Variants in GIGYF2 observed in about 807,000 individuals in gnomAD.
GIGYF2 encodes GRB10-interacting GYF protein 2.
GIGYF2 carries 25 observed loss-of-function variants against 208.1 expected under a neutral mutation model. The observed-to-expected ratio is 0.12, with a 90% CI of 0.09 to 0.17. GIGYF2 has a LOEUF of 0.17. Among genes scored for constraint, GIGYF2 ranks in the 10% least tolerant of loss-of-function variants. The pLI is 1.00. For synonymous variants in GIGYF2, 534 were observed against 543.8 expected, an observed-to-expected ratio of 0.98 and a Z score of 0.25; for missense variants, 1,302 against 1,579.4, an observed-to-expected ratio of 0.82 and a Z score of 2.98.
In GIGYF2 at chr2:232,782,832, C is replaced by T. The variant is rs534907090; in HGVS notation, c.533-4318C>T. ...AAGCAGGCAAAGCTAATATTTGGGGCTAGAAATTAGGATAGTGTTTATCTT... is the reference window on the plus strand; with the variant it reads ...AAGCAGGCAAAGCTAATATTTGGGGTTAGAAATTAGGATAGTGTTTATCTT... On this transcript the variant is annotated intron_variant, in intron 8 of 28. Transcript: ENST00000373563. 25 of 152,152 alleles carry T rather than the reference C, an allele frequency of 1.6e-4. No homozygotes were observed. The East Asian group carries it at 4.8e-3, about 29-fold the overall frequency. The allele number at this position is 152,152 out of a possible 1,614,324, so 9.4% of individuals were successfully genotyped here. A position where few individuals can be genotyped will look rare whatever the true frequency, so the allele number is the denominator to read the frequency against.
intron 21 of GIGYF2, 21 bp from the exon 22 acceptor site, chr2:232,832,834 CTT>C (rs1452443330): frequency 8.6e-6 from 13 of 1,511,788 alleles, no homozygotes; most frequent in Non-Finnish European, 1.1e-5. Flanking sequence ...ATTTTTATAT[CTT>C]TAATTTTTCC....
At chr2:232,757,898 T>C (rs1435398062) in intron 6 of GIGYF2, among the ~76,000 whole-genome samples, 1 of 152,048 alleles carries the variant, frequency 6.6e-6, no homozygotes. Flanking sequence ...TCACATATGA[T>C]AGAAAGCTTA....
At chr2:232,721,048 A>G (rs974847622) in intron 2 of GIGYF2, among the ~76,000 whole-genome samples, 7 of 152,242 alleles carry the variant, frequency 4.6e-5, no homozygotes, top group African/African-American at 1.7e-4. Flanking sequence ...TGCTTTCAGC[A>G]TGAGAAAGAT....
At chr2:232,833,747 A>T (rs62193335) in intron 22 of GIGYF2, among the ~76,000 whole-genome samples, 10 of 152,186 alleles carry the variant, frequency 6.6e-5, no homozygotes. Context: ...TTAAAAATAT[A>T]GGCATGTAAA....
At chr2:232,697,504 C>T (rs1013519938) in intron 1 of GIGYF2, 112 bp downstream of exon 1, 1 of 153,206 alleles carries the variant, frequency 6.5e-6, no homozygotes, top group African/African-American at 2.4e-5. Flanking sequence ...CCCTGCTCCT[C>T]CTGCCCGAGC....
intron 13 of GIGYF2, 60 bp from the exon 14 acceptor site, chr2:232,796,002 T>C (rs1199148384): frequency 3.3e-6 from 4 of 1,210,186 alleles, no homozygotes; most frequent in Non-Finnish European, 4.9e-6. Flanking sequence ...ACTGTTATTA[T>C]GTGTACAAGT....
At chr2:232,787,108 G>C (rs369479189) in intron 8 of GIGYF2, 42 bp from the exon 9 acceptor site, 65 of 1,441,344 alleles carry the variant, frequency 4.5e-5, no homozygotes, top group Non-Finnish European at 6.0e-5. Context: ...AGCCTATACT[G>C]GCAGAGGCTC....
chr2:232,797,493 G>GTGTC (rs1700259962), intron 14 of GIGYF2, among the ~76,000 whole-genome samples: 2 of 126,346 alleles, frequency 1.6e-5, no homozygotes, highest in South Asian at 5.0e-4. Context: ...CAGGGCTTGT[G>GTGTC]TGTGTGTGTG....
chr2:232,760,348 G>A (rs1698700939), intron 6 of GIGYF2, 132 bp from the exon 7 acceptor site: 1 of 691,396 alleles, frequency 1.4e-6, no homozygotes, highest in African/African-American at 1.8e-5. Context: ...AGATCATCAG[G>A]CCTCGTTCAG....
chr2:232,844,121 TG>T lies in GIGYF2; in HGVS notation c.2970del (p.Asn991MetfsTer59). On this transcript the variant is annotated frameshift_variant, in exon 24 of 29. Coordinates refer to ENST00000373563, the MANE Select transcript of GIGYF2 (RefSeq NM_001103146.3). LOFTEE classifies it high-confidence loss of function. ...ACAGCAACAGCAGAAACTCTCAGGT[TG>T]GGGGAATGTCAGCAAACCTTCAGGT... ...QQQQQQKLSG[W>X]GNVSKPSGTT... The T allele has an allele frequency of 6.3e-7, 1 of 1,596,386 alleles. No individual in the cohort carries two copies.
At chr2:232,798,727 G>A (rs980379631) in intron 14 of GIGYF2, among the ~76,000 whole-genome samples, 31 of 150,658 alleles carry the variant, frequency 2.1e-4, no homozygotes, top group Admixed American at 6.6e-4. Context: ...CTTCATTCAA[G>A]TTTTTCTTCA....
At chr2:232,751,112 C>T (rs1698323565) in intron 5 of GIGYF2, among the ~76,000 whole-genome samples, 1 of 152,218 alleles carries the variant, frequency 6.6e-6, no homozygotes, top group Admixed American at 6.5e-5. Flanking sequence ...CAGGCATGAT[C>T]CACCATGCCT....
intron 1 of GIGYF2, among the ~76,000 whole-genome samples, chr2:232,702,172 C>CTCA (rs1695877004): frequency 1.3e-5 from 2 of 152,124 alleles, no homozygotes; most frequent in South Asian, 4.2e-4. Flanking sequence ...GGTGCAGTGG[C>CTCA]TCATGCCTGT....
At chr2:232,827,421 G>A (rs1021281321) in intron 21 of GIGYF2, among the ~76,000 whole-genome samples, 2 of 152,186 alleles carry the variant, frequency 1.3e-5, no homozygotes, top group African/African-American at 2.4e-5. Context: ...TGTTTTCTTT[G>A]TGGAGAGATT....
intron 2 of GIGYF2, chr2:232,729,939 G>C (rs1697380240): frequency 2.7e-6 from 2 of 731,700 alleles, no homozygotes; most frequent in Non-Finnish European, 5.1e-6. Flanking sequence ...TCTTCCTATA[G>C]TGTCTTCCAT....
chr2:232,701,499 C>A (rs557127126), intron 1 of GIGYF2, among the ~76,000 whole-genome samples: 1 of 150,342 alleles, frequency 6.7e-6, no homozygotes, highest in African/African-American at 2.4e-5. Context: ...GTGCAATCAC[C>A]ACTGACTGTA....
chr2:232,720,902 G>A (rs1449948706), intron 2 of GIGYF2, among the ~76,000 whole-genome samples: 1 of 152,058 alleles, frequency 6.6e-6, no homozygotes, highest in Non-Finnish European at 1.5e-5. Context: ...GCCTCTCTCA[G>A]CTGTTTTTAA....
At chr2:232,722,478 A>T (rs1371607926) in intron 2 of GIGYF2, 1 of 152,176 alleles carries the variant, frequency 6.6e-6, no homozygotes, top group Non-Finnish European at 1.5e-5. Flanking sequence ...GTTTACAGGG[A>T]TTACAATTCA....
chr2:232,803,495 A>G (rs115248278), intron 14 of GIGYF2, among the ~76,000 whole-genome samples: 1,630 of 152,114 alleles, frequency 0.011, 31 homozygotes, highest in African/African-American at 0.037. Flanking sequence ...GGTCCATTTT[A>G]AATTAATTTT....
Sources: allele counts gnomAD v4.1 joint callset (sites outside exome capture counted in the v4.1 genomes callset), GRCh38; gene constraint gnomAD v4.1.1; transcripts MANE v1.5; gene names NCBI Gene and HGNC (gene_info 2026-07-23, HGNC 2026-07-21).